STAT1: variants seen among roughly 807,000 people sequenced by gnomAD.
STAT1 encodes signal transducer and activator of transcription 1-alpha/beta.
In STAT1, 24 loss-of-function variants were observed where a neutral mutation model predicts 111.7. That is an observed-to-expected ratio of 0.21 (90% CI 0.16 to 0.30). The LOEUF is 0.30. Ranked by LOEUF, STAT1 falls within the 10% of genes least tolerant of loss-of-function variation. STAT1 has a pLI of 1.00. For missense variants in STAT1, 351 were observed against 911.9 expected, an observed-to-expected ratio of 0.38 and a Z score of 7.92; for synonymous variants, 332 against 326.5, an observed-to-expected ratio of 1.02 and a Z score of -0.18.
rs1022129097 is a variant in STAT1, at chr2:190,986,305, C to T, written c.1221+549G>A. On this transcript the variant is annotated intron_variant, in intron 14 of 24. Transcript: ENST00000361099. The surrounding 1 kb of genome is among the most constrained non-coding windows in gnomAD (Gnocchi z 5.0). ...ACAGAGCCTCACAGCAACTGGCAGC[C>T]CCCATGTTCACAGAGGAGGAAAGAT... 2.0e-5 allele frequency among the ~76,000 whole-genome samples: 3 copies of T among 152,176 alleles called. No individual in the cohort carries two copies. Among genetic ancestry groups the T allele is most frequent in the African/African-American group, 4.8e-5 (2 of 41,436 alleles).
chr2:190,992,107 A>G (rs1282938022), intron 10 of STAT1, among the ~76,000 whole-genome samples: 1 of 151,694 alleles, frequency 6.6e-6, no homozygotes, highest in Non-Finnish European at 1.5e-5. Context: ...AACAAATTAC[A>G]ATATTCTGCA....
At position 190,981,228 on chromosome 2, in the gene STAT1, T is replaced by C. The variant is rs1234266738; in HGVS notation, c.1583-559A>G. On this transcript the variant is annotated intron_variant, in intron 18 of 24. Coordinates refer to ENST00000361099, the MANE Select transcript of STAT1 (RefSeq NM_007315.4). This position sits in a 1 kb window ranked among gnomAD's most constrained non-coding sequence, Gnocchi z 4.1. ...CCCTCTCCCAAGGATCCTACAGAAT[T>C]TTTTTCAAAGTTCAACCTAGGTGCC... Among the ~76,000 whole-genome samples, 1 of 152,120 alleles carries C rather than the reference T, an allele frequency of 6.6e-6. No individual in the cohort carries two copies. The highest frequency in any genetic ancestry group is 1.5e-5 in the Non-Finnish European group (1 of 68,002).
rs2066793 is a variant in STAT1, at chr2:190,974,738, G to A, written c.2238+92C>T. The A allele has an allele frequency of 0.11, 131,017 of 1,172,182 alleles. 8,296 individuals are homozygous for A. Among genetic ancestry groups the A allele is most frequent in the Middle Eastern group, 0.13 (526 of 4,092 alleles). 72.6% of individuals were successfully genotyped at this position (1,172,182 alleles called of 1,614,324 possible). A position where few individuals can be genotyped will look rare whatever the true frequency, so the allele number is the denominator to read the frequency against. On this transcript the variant is annotated intron_variant, in intron 24 of 24. Transcript: ENST00000361099. The surrounding 1 kb of genome is among the most constrained non-coding windows in gnomAD (Gnocchi z 4.8). ...CTTGGCTCCGCCAGGGCTCCCTCCCGCAGACAGGCCCGGGATCTGCCATGG... is the reference window on the plus strand; with the variant it reads ...CTTGGCTCCGCCAGGGCTCCCTCCCACAGACAGGCCCGGGATCTGCCATGG...
chr2:191,009,335 C>T (rs1694951461), intron 3 of STAT1, among the ~76,000 whole-genome samples: 1 of 152,190 alleles, frequency 6.6e-6, no homozygotes, highest in African/African-American at 2.4e-5. Context: ...TTGTGCATGA[C>T]AGTGTTCATG....
Position 191,000,990 on chromosome 2 carries a change from C to T in STAT1, c.462+84G>A, listed in dbSNP as rs1233901576. ...CTACTTAAAAGACTGAACTCAGTTA[C>T]GAGGTTTACACCCCAAGCAATTGAA... On this transcript the variant is annotated intron_variant, in intron 6 of 24. Coordinates refer to ENST00000361099, the MANE Select transcript of STAT1 (RefSeq NM_007315.4). This position sits in a 1 kb window ranked among gnomAD's most constrained non-coding sequence, Gnocchi z 4.8. 34 of 1,134,502 alleles carry T rather than the reference C, an allele frequency of 3.0e-5. No homozygotes were observed. The South Asian group carries it at 3.1e-4, about 10-fold the overall frequency. The allele number at this position is 1,134,502 out of a possible 1,614,324, so 70.3% of individuals were successfully genotyped here.
At position 190,997,762 on chromosome 2, in the gene STAT1, C is replaced by A; in HGVS notation, c.785+94G>T. 5 of 1,565,476 alleles carry A rather than the reference C, an allele frequency of 3.2e-6. No homozygotes were observed. The highest frequency in any genetic ancestry group is 4.4e-6 in the Non-Finnish European group (5 of 1,143,844). On this transcript the variant is annotated intron_variant, in intron 9 of 24. Coordinates refer to ENST00000361099, the MANE Select transcript of STAT1 (RefSeq NM_007315.4). This position sits in a 1 kb window ranked among gnomAD's most constrained non-coding sequence, Gnocchi z 7.3. ...GTCAAACTCTATACTAATGTTTTGA[C>A]AGGGTCCATTCAACTAACACAGCTC...
chr2:190,991,700 TG>T (rs60976990), intron 10 of STAT1, among the ~76,000 whole-genome samples: 15,812 of 149,374 alleles, frequency 0.11, 1,081 homozygotes, highest in East Asian at 0.24. Flanking sequence ...CTTTACAATT[TG>T]TTTTTTTTTT....
At chr2:190,985,359 TACAAAAGCCC>T (rs1692722590) in intron 15 of STAT1, among the ~76,000 whole-genome samples, 1 of 152,232 alleles carries the variant, frequency 6.6e-6, no homozygotes, top group African/African-American at 2.4e-5. Context: ...ATGCGAAGAA[TACAAAAGCCC>T]ACAACAGCTA....
intron 5 of STAT1, among the ~76,000 whole-genome samples, chr2:191,005,824 T>C (rs1323153766): frequency 6.6e-6 from 1 of 152,198 alleles, no homozygotes; most frequent in Non-Finnish European, 1.5e-5. Flanking sequence ...TATTGTGCCT[T>C]TTCCCTTTCC....
rs1242257439 is a variant in STAT1, at chr2:190,973,517, A to C, written c.2238+1313T>G. On this transcript the variant is annotated intron_variant, in intron 24 of 24. Transcript: ENST00000361099. The surrounding 1 kb of genome is among the most constrained non-coding windows in gnomAD (Gnocchi z 4.4). ...TTAATGGTGGTGGTGATGATGATGT[A>C]ATTTGCTCAGGAACAACAAAGGAGG... Among the ~76,000 whole-genome samples, 1 of 152,134 alleles carries C rather than the reference A, an allele frequency of 6.6e-6. No homozygotes were observed. Among genetic ancestry groups the C allele is most frequent in the Non-Finnish European group, 1.5e-5 (1 of 68,040 alleles).
rs543668451 is a variant in STAT1, at chr2:190,980,831, C to T, written c.1583-162G>A. Among the ~76,000 whole-genome samples the T allele has an allele frequency of 6.6e-6, 1 of 152,264 alleles. No individual in the cohort carries two copies. Among genetic ancestry groups the T allele is most frequent in the East Asian group, 1.9e-4 (1 of 5,186 alleles). On this transcript the variant is annotated intron_variant, in intron 18 of 24. Coordinates refer to ENST00000361099, the MANE Select transcript of STAT1 (RefSeq NM_007315.4). This position sits in a 1 kb window ranked among gnomAD's most constrained non-coding sequence, Gnocchi z 6.1. ...TTCGGATACCTTAATGCCAAATTAA[C>T]TGAGCAATTATAATACGTGCTGTAA...
Position 190,987,335 on chromosome 2 carries a change from T to C in STAT1, c.1098-267A>G, listed in dbSNP as rs927245547. Among the ~76,000 whole-genome samples, 2 of 152,164 alleles carry C rather than the reference T, an allele frequency of 1.3e-5. No homozygotes were observed. Among genetic ancestry groups the C allele is most frequent in the South Asian group, 2.1e-4 (1 of 4,828 alleles). The stretch of plus-strand genomic sequence containing the variant: ...ACAACATACTAACAGTGCCAACATA[T>C]AGGACATCATGAGGAATAAACTAGT... On this transcript the variant is annotated intron_variant, in intron 12 of 24. Transcript: ENST00000361099. The surrounding 1 kb of genome is among the most constrained non-coding windows in gnomAD (Gnocchi z 4.0).
At chr2:190,985,735 C>G in intron 14 of STAT1, 75 bp from the exon 15 acceptor site, 1 of 1,459,836 alleles carries the variant, frequency 6.9e-7, no homozygotes, top group South Asian at 1.1e-5. Flanking sequence ...CAAATGAGAA[C>G]AAAGTTAGGA....
rs1692183426 is a variant in STAT1, at chr2:190,979,489, G to A, written c.1727+283C>T. ...TTCCTTCCTAGGGGCCACATAGTAGGTGCTCAAAAAATTTTTGTTGAGTGA... is the reference window on the plus strand; with the variant it reads ...TTCCTTCCTAGGGGCCACATAGTAGATGCTCAAAAAATTTTTGTTGAGTGA... On this transcript the variant is annotated intron_variant, in intron 20 of 24. Transcript: ENST00000361099. The surrounding 1 kb of genome is among the most constrained non-coding windows in gnomAD (Gnocchi z 5.8). 6.6e-6 allele frequency among the ~76,000 whole-genome samples: 1 copy of A among 151,578 alleles called. No individual in the cohort carries two copies. Among genetic ancestry groups the A allele is most frequent in the Non-Finnish European group, 1.5e-5 (1 of 67,962 alleles).
rs1225874849 is a variant in STAT1 at position 190,981,255 on chromosome 2, A to C, written c.1583-586T>G. Among the ~76,000 whole-genome samples the C allele has an allele frequency of 6.6e-6, 1 of 152,214 alleles. No individual in the cohort carries two copies. Among genetic ancestry groups the C allele is most frequent in the African/African-American group, 2.4e-5 (1 of 41,444 alleles). ...TTTTCAAAGTTCAACCTAGGTGCCC[A>C]AGATCACCCCTAGATCTTCAATGTA... On this transcript the variant is annotated intron_variant, in intron 18 of 24. Transcript: ENST00000361099. This position sits in a 1 kb window ranked among gnomAD's most constrained non-coding sequence, Gnocchi z 4.1.
chr2:191,005,129 T>C (rs147737937), intron 5 of STAT1, among the ~76,000 whole-genome samples: 120 of 152,332 alleles, frequency 7.9e-4, no homozygotes, highest in Non-Finnish European at 1.4e-3. Flanking sequence ...CTCTAAATGA[T>C]CTGAACTAAC....
chr2:191,008,011 A>G, intron 4 of STAT1: 1 of 463,516 alleles, frequency 2.2e-6, no homozygotes. Flanking sequence ...AAAACTATAC[A>G]TGACATTCCT....
At position 190,973,223 on chromosome 2, in the gene STAT1, T is replaced by A. The variant is rs2124987001; in HGVS notation, c.2238+1607A>T. Among the ~76,000 whole-genome samples the A allele has an allele frequency of 6.6e-6, 1 of 152,260 alleles. No individual in the cohort carries two copies. Among genetic ancestry groups the A allele is most frequent in the African/African-American group, 2.4e-5 (1 of 41,550 alleles). On this transcript the variant is annotated intron_variant, in intron 24 of 24. Coordinates refer to ENST00000361099, the MANE Select transcript of STAT1 (RefSeq NM_007315.4). This position sits in a 1 kb window ranked among gnomAD's most constrained non-coding sequence, Gnocchi z 4.4. The stretch of plus-strand genomic sequence containing the variant: ...TGCATGTTTTGAATGGGGCAAAGAT[T>A]AGCTTTTTGTGGGAGGCTTTCCAGG...
rs1692986105 is a variant in STAT1 at position 190,987,895 on chromosome 2, G to C, written c.1098-827C>G. Among the ~76,000 whole-genome samples the C allele has an allele frequency of 6.6e-6, 1 of 152,162 alleles. No homozygotes were observed. Among genetic ancestry groups the C allele is most frequent in the Admixed American group, 6.5e-5 (1 of 15,274 alleles). Reference sequence around the variant, plus strand: ...GAAAAAAAAAGAATTTAAAATAAAAGGGATAGTATGATAAAAGCTGACTTG... The same window carrying C: ...GAAAAAAAAAGAATTTAAAATAAAACGGATAGTATGATAAAAGCTGACTTG... On this transcript the variant is annotated intron_variant, in intron 12 of 24. Transcript: ENST00000361099. The surrounding 1 kb of genome is among the most constrained non-coding windows in gnomAD (Gnocchi z 4.0).
Sources: allele counts gnomAD v4.1 joint callset (sites outside exome capture counted in the v4.1 genomes callset), GRCh38; gene constraint gnomAD v4.1.1; non-coding constraint Gnocchi (gnomAD v3.1); transcripts MANE v1.5; gene names NCBI Gene and HGNC (gene_info 2026-07-23, HGNC 2026-07-21).